MTHFD2L: variants seen among roughly 807,000 people sequenced by gnomAD.
The protein encoded by MTHFD2L is bifunctional methylenetetrahydrofolate dehydrogenase/cyclohydrolase 2, mitochondrial.
A neutral mutation model predicts 34.9 loss-of-function variants in MTHFD2L; 29 were observed. The ratio of observed to expected loss-of-function variants is 0.83; its 90% CI spans 0.62 to 1.13. The LOEUF is 1.13. MTHFD2L is among the 50% of genes most tolerant of loss of function. The pLI is 0.00. For synonymous variants in MTHFD2L, 167 were observed against 155.7 expected, an observed-to-expected ratio of 1.07 and a Z score of -0.54; for missense variants, 481 against 446.5, an observed-to-expected ratio of 1.08 and a Z score of -0.70.
intron 6 of MTHFD2L, among the ~76,000 whole-genome samples, chr4:74,228,387 C>T (rs984692042): frequency 2.0e-5 from 3 of 152,208 alleles, no homozygotes; most frequent in African/African-American, 7.2e-5. Context: ...ATGAAGTTTA[C>T]ATTATCCTTA....
Position 74,244,443 on chromosome 4 carries a change from G to A in MTHFD2L, c.805+19049G>A, listed in dbSNP as rs377191180. On this transcript the variant is annotated intron_variant, in intron 6 of 7. Coordinates refer to ENST00000325278, the MANE Select transcript of MTHFD2L (RefSeq NM_001144978.3). The stretch of plus-strand genomic sequence containing the variant: ...TTTAGTGAATTTATACTAGCCCTCT[G>A]TACTAAGCCATAGTTTGATTTCAAG... Among the ~76,000 whole-genome samples, 16 of 152,282 alleles carry A rather than the reference G, an allele frequency of 1.1e-4. No homozygotes were observed. In the East Asian group the frequency reaches 1.9e-3, roughly 18 times the overall value.
At chr4:74,165,625 G>A (rs547614395) in intron 1 of MTHFD2L, among the ~76,000 whole-genome samples, 1 of 152,274 alleles carries the variant, frequency 6.6e-6, no homozygotes, top group East Asian at 1.9e-4. Flanking sequence ...CAAAGTGCTG[G>A]AATTACAGGC....
intron 6 of MTHFD2L, among the ~76,000 whole-genome samples, chr4:74,233,015 T>G (rs1278817417): frequency 2.3e-5 from 3 of 129,714 alleles, no homozygotes; most frequent in Non-Finnish European, 5.2e-5. Flanking sequence ...GTATTGGTCT[T>G]AAGTTTATTT....
intron 1 of MTHFD2L, among the ~76,000 whole-genome samples, chr4:74,126,185 A>C (rs1297766132): frequency 6.6e-6 from 1 of 152,204 alleles, no homozygotes; most frequent in Non-Finnish European, 1.5e-5. Context: ...ACTTTAAATG[A>C]AATGAATAGC....
chr4:74,267,554 G>T, intron 6 of MTHFD2L: 1 of 252,192 alleles, frequency 4.0e-6, no homozygotes, highest in Non-Finnish European at 6.3e-6. Flanking sequence ...AAGTAGCTGG[G>T]ACCACAGCCA....
intron 3 of MTHFD2L, among the ~76,000 whole-genome samples, chr4:74,193,025 C>T (rs796276962): frequency 2.1e-4 from 32 of 151,626 alleles, no homozygotes; most frequent in African/African-American, 7.5e-4. Context: ...TTTCTTACAC[C>T]CAGCATACAA....
At chr4:74,179,997 C>T (rs1435831519) in intron 3 of MTHFD2L, among the ~76,000 whole-genome samples, 2 of 152,038 alleles carry the variant, frequency 1.3e-5, no homozygotes, top group African/African-American at 4.8e-5. Context: ...AGAGTCTTTC[C>T]AGATCATTCA....
chr4:74,215,701 T>C (rs1319552592), intron 5 of MTHFD2L, among the ~76,000 whole-genome samples: 1 of 151,370 alleles, frequency 6.6e-6, no homozygotes, highest in Non-Finnish European at 1.5e-5. Context: ...AATTCCACCC[T>C]CACGAGCAGA....
chr4:74,157,699 T>C (rs553759638), upstream of MTHFD2L: 12 of 458,482 alleles, frequency 2.6e-5, no homozygotes, highest in South Asian at 1.9e-4. Context: ...ACAATGAACC[T>C]ATTACTTCTT....
intron 3 of MTHFD2L, among the ~76,000 whole-genome samples, chr4:74,198,947 G>A (rs1733946047): frequency 1.3e-5 from 2 of 152,056 alleles, no homozygotes; most frequent in Non-Finnish European, 2.9e-5. Context: ...TTTCTGAAAA[G>A]TTTGAACTTG....
At chr4:74,261,524 G>A (rs1200876989) in intron 6 of MTHFD2L, among the ~76,000 whole-genome samples, 1 of 151,990 alleles carries the variant, frequency 6.6e-6, no homozygotes, top group Non-Finnish European at 1.5e-5. Context: ...ATTTATTCAC[G>A]TAAGAATGCT....
chr4:74,288,796 A>G (rs1748513808), intron 7 of MTHFD2L, among the ~76,000 whole-genome samples: 1 of 152,138 alleles, frequency 6.6e-6, no homozygotes, highest in South Asian at 2.1e-4. Context: ...AGGTAATACA[A>G]CCTCACCTAA....
At chr4:74,231,282 A>G (rs1452957697) in intron 6 of MTHFD2L, among the ~76,000 whole-genome samples, 2 of 152,126 alleles carry the variant, frequency 1.3e-5, no homozygotes, top group Non-Finnish European at 2.9e-5. Context: ...CTAGGGCTCA[A>G]TAGGGTTTTC....
intron 1 of MTHFD2L, among the ~76,000 whole-genome samples, chr4:74,150,299 GC>G (rs1723852073): frequency 6.6e-6 from 1 of 152,184 alleles, no homozygotes; most frequent in African/African-American, 2.4e-5. Flanking sequence ...TTTTGCCCAG[GC>G]TGGAGTGCAA....
At chr4:74,118,143 A>T in intron 2 of MTHFD2L, among the ~76,000 whole-genome samples, 1 of 152,246 alleles carries the variant, frequency 6.6e-6, no homozygotes, top group Non-Finnish European at 1.5e-5. Context: ...TAACATTATT[A>T]AGTTAATGAA....
At chr4:74,301,672 T>G in intron 7 of MTHFD2L, 25 bp from the exon 8 acceptor site, 1 of 1,346,328 alleles carries the variant, frequency 7.4e-7, no homozygotes, top group Non-Finnish European at 1.0e-6. Context: ...ATAAAGAATA[T>G]CTGTTTGTTT....
At chr4:74,118,011 T>C (rs1721684089) in intron 2 of MTHFD2L, among the ~76,000 whole-genome samples, 1 of 152,242 alleles carries the variant, frequency 6.6e-6, no homozygotes, top group Non-Finnish European at 1.5e-5. Flanking sequence ...TATATATCTT[T>C]CTTATATATC....
intron 5 of MTHFD2L, among the ~76,000 whole-genome samples, chr4:74,209,700 G>A (rs775072776): frequency 1.3e-5 from 2 of 152,146 alleles, no homozygotes; most frequent in Non-Finnish European, 2.9e-5. Flanking sequence ...AATTCTTTGG[G>A]TATATACCCA....
In MTHFD2L at chr4:74,223,125, T is replaced by A. The variant is rs116010574; in HGVS notation, c.713-2177T>A. ...TATAAATTGTTCTATCATAGACACA[T>A]GCAAACGTTCATTGCAGCACTATTC... On this transcript the variant is annotated intron_variant, in intron 5 of 7. Transcript: ENST00000325278. 5.1e-3 allele frequency among the ~76,000 whole-genome samples: 778 copies of A among 152,126 alleles called. 3 individuals carry two copies. The highest frequency in any genetic ancestry group is 0.018 in the African/African-American group (747 of 41,514).
Sources: gnomAD v4.1 joint callset for allele counts (sites outside exome capture counted in the v4.1 genomes callset) on GRCh38, gnomAD v4.1.1 for gene constraint, MANE v1.5 for transcripts, NCBI Gene and HGNC (gene_info 2026-07-23, HGNC 2026-07-21) for gene names.